The following LARP4 variants were observed in gnomAD, a reference collection of about 807,000 sequenced individuals.
LARP4 encodes the protein La ribonucleoprotein 4.
In LARP4, 29 loss-of-function variants were observed where a neutral mutation model predicts 92.9. That is an observed-to-expected ratio of 0.31 (90% confidence interval 0.23 to 0.43). The LOEUF is 0.43. Ranked by LOEUF, LARP4 falls within the 20% of genes least tolerant of loss-of-function variation. LARP4 has a pLI of 1.00. For missense variants in LARP4, 732 were observed against 860.0 expected (o/e 0.85, Z 1.86); for synonymous variants, 279 against 284.1 (o/e 0.98, Z 0.18).
chr12:50,403,867 T>C (rs984805293), intron 1 of LARP4, among the ~76,000 whole-genome samples: 2 of 152,234 alleles, frequency 1.3e-5, no homozygotes, highest in Non-Finnish European at 2.9e-5. Flanking sequence ...TTTTTGCATA[T>C]ATAGATATCT....
intron 1 of LARP4, chr12:50,416,371 T>A (rs1946793400): frequency 1.3e-5 from 2 of 152,160 alleles, no homozygotes. Context: ...CTACTGCACC[T>A]TTCAGATGAC....
At chr12:50,473,944 C>A in intron 14 of LARP4, 55 bp from the exon 15 acceptor site, 1 of 1,467,336 alleles carries the variant, frequency 6.8e-7, no homozygotes, top group Non-Finnish European at 9.3e-7. Context: ...TGATTAGTTG[C>A]TCAACTGTTC....
chr12:50,419,012 G>C (rs1231114740), intron 1 of LARP4, among the ~76,000 whole-genome samples: 1 of 152,080 alleles, frequency 6.6e-6, no homozygotes, highest in Admixed American at 6.6e-5. Flanking sequence ...TATATATAAA[G>C]TTTTTCAATT....
chr12:50,454,776 G>C (rs1330395510), intron 10 of LARP4: 1 of 174,920 alleles, frequency 5.7e-6, no homozygotes, highest in African/African-American at 2.4e-5. Flanking sequence ...GTTGTTAACT[G>C]AATTGTGTAA....
chr12:50,409,363 A>G (rs1196184723), intron 1 of LARP4, among the ~76,000 whole-genome samples: 2 of 152,120 alleles, frequency 1.3e-5, no homozygotes, highest in African/African-American at 2.4e-5. Flanking sequence ...AAGAAGATTG[A>G]CAGAATAAAA....
chr12:50,435,435 G>C (rs1015931512), intron 4 of LARP4, 53 bp from the exon 5 acceptor site: 3 of 1,075,132 alleles, frequency 2.8e-6, no homozygotes, highest in African/African-American at 3.0e-5. Flanking sequence ...GATACCTCTT[G>C]TTAGATGCTT....
At chr12:50,407,178 A>G (rs1945005685) in intron 1 of LARP4, among the ~76,000 whole-genome samples, 1 of 151,758 alleles carries the variant, frequency 6.6e-6, no homozygotes, top group Non-Finnish European at 1.5e-5. Context: ...GGCGCGTACC[A>G]CCACGCCTAG....
chr12:50,424,432 C>G (rs1164606084), intron 1 of LARP4, among the ~76,000 whole-genome samples: 3 of 151,600 alleles, frequency 2.0e-5, no homozygotes, highest in African/African-American at 2.4e-5. Flanking sequence ...GATCTCGGCT[C>G]ACCGCAACCA....
intron 13 of LARP4, among the ~76,000 whole-genome samples, chr12:50,471,435 T>G (rs1459836823): frequency 6.6e-6 from 1 of 152,230 alleles, no homozygotes; most frequent in Non-Finnish European, 1.5e-5. Flanking sequence ...ATTGTACTGT[T>G]AATGGACATT....
intron 8 of LARP4, among the ~76,000 whole-genome samples, chr12:50,443,609 T>G (rs1951570906): frequency 6.6e-6 from 1 of 151,972 alleles, no homozygotes. Context: ...TAATTTTATT[T>G]TCTTAATTTA....
intron 1 of LARP4, among the ~76,000 whole-genome samples, chr12:50,423,759 T>A (rs1375722736): frequency 6.6e-6 from 1 of 151,410 alleles, no homozygotes; most frequent in Admixed American, 6.6e-5. Context: ...TAATTTTTTT[T>A]TTTTTTTTTT....
chr12:50,442,871 T>G (rs750671756), intron 8 of LARP4, among the ~76,000 whole-genome samples: 1 of 152,196 alleles, frequency 6.6e-6, no homozygotes, highest in Non-Finnish European at 1.5e-5. Flanking sequence ...TTAAATCTCA[T>G]AATTGCTGTG....
At chr12:50,468,067 C>T (rs1406072147) in intron 13 of LARP4, among the ~76,000 whole-genome samples, 3 of 151,986 alleles carry the variant, frequency 2.0e-5, no homozygotes, top group Non-Finnish European at 4.4e-5. Flanking sequence ...GCAACCTCCA[C>T]CTCCCGGGTT....
At chr12:50,473,909 C>CAA (rs56022222) in intron 14 of LARP4, 90 bp from the exon 15 acceptor site, 128 of 964,190 alleles carry the variant, frequency 1.3e-4, no homozygotes, top group Middle Eastern at 3.8e-4. Flanking sequence ...GACTCCGTCT[C>CAA]AAAAAAAAAA....
At chr12:50,419,614 A>G (rs1420415638) in intron 1 of LARP4, among the ~76,000 whole-genome samples, 1 of 152,192 alleles carries the variant, frequency 6.6e-6, no homozygotes, top group African/African-American at 2.4e-5. Flanking sequence ...TCTCCTTAAG[A>G]AGCCCATTTA....
intron 8 of LARP4, among the ~76,000 whole-genome samples, chr12:50,451,014 C>T (rs985215574): frequency 6.6e-6 from 1 of 152,108 alleles, no homozygotes; most frequent in Non-Finnish European, 1.5e-5. Flanking sequence ...TGAATAGTCA[C>T]GTGGGTATAT....
rs1350217387 is a variant in LARP4, at chr12:50,467,348, A to ATT, written c.1545+228_1545+229insTT. 2.6e-5 allele frequency among the ~76,000 whole-genome samples: 4 copies of ATT among 151,628 alleles called. No individual in the cohort carries two copies. The East Asian group carries it at 7.7e-4, about 29-fold the overall frequency. ...ATGTCTTTGTTTTTTTTTTTTTTAA[A>ATT]GACATGATCTTAGCTCACTGCAACC... On this transcript the variant is annotated intron_variant, in intron 13 of 15. Coordinates refer to ENST00000398473, the MANE Select transcript of LARP4 (RefSeq NM_052879.5).
chr12:50,409,281 C>T (rs1461298391), intron 1 of LARP4, among the ~76,000 whole-genome samples: 1 of 152,120 alleles, frequency 6.6e-6, no homozygotes, highest in South Asian at 2.1e-4. Flanking sequence ...TTTAATCTCT[C>T]TGCTTCCTTA....
chr12:50,406,833 C>A (rs947385001), intron 1 of LARP4, among the ~76,000 whole-genome samples: 5 of 151,164 alleles, frequency 3.3e-5, no homozygotes, highest in Admixed American at 6.6e-5. Flanking sequence ...TCTCTCACCT[C>A]AACCTCCCCA....
Sources: allele counts gnomAD v4.1 joint callset (sites outside exome capture counted in the v4.1 genomes callset), GRCh38; gene constraint gnomAD v4.1.1; transcripts MANE v1.5; gene names NCBI Gene and HGNC (gene_info 2026-07-23, HGNC 2026-07-21).